RORA: variants seen among roughly 807,000 people sequenced by gnomAD.
RORA encodes nuclear receptor ROR-alpha.
In RORA, 7 loss-of-function variants were observed where a neutral mutation model predicts 69.5. The ratio of observed to expected loss-of-function variants is 0.10; its 90% CI spans 0.06 to 0.19. The LOEUF (loss-of-function observed/expected upper bound fraction) is 0.19, where lower values mean the gene tolerates loss of function less well. RORA is among the 10% of genes least tolerant of loss of function. RORA has a pLI of 1.00. For missense variants in RORA, 457 were observed against 663.0 expected (o/e 0.69, Z 3.41); for synonymous variants, 261 against 240.8 (o/e 1.08, Z -0.78).
intron 1 of RORA, among the ~76,000 whole-genome samples, chr15:60,901,666 G>GT (rs11392755): frequency 0.49 from 74,231 of 152,008 alleles, 18,353 homozygotes; most frequent in Non-Finnish European, 0.51. Context: ...TTAAATAATC[G>GT]TAAGTGCTTA....
intron 1 of RORA, among the ~76,000 whole-genome samples, chr15:60,691,099 C>T (rs1162822193): frequency 1.3e-5 from 2 of 152,106 alleles, no homozygotes; most frequent in East Asian, 3.9e-4. Flanking sequence ...TAAGCTTGCT[C>T]CAGACTCACA....
At chr15:61,125,306 G>A (rs1024667656) in intron 1 of RORA, among the ~76,000 whole-genome samples, 7 of 152,184 alleles carry the variant, frequency 4.6e-5, no homozygotes, top group Non-Finnish European at 1.0e-4. Flanking sequence ...TGGTGTTTGG[G>A]TATTATCCTT....
At chr15:61,199,132 C>T (rs1176434026) in intron 1 of RORA, among the ~76,000 whole-genome samples, 1 of 152,200 alleles carries the variant, frequency 6.6e-6, no homozygotes, top group East Asian at 1.9e-4. Flanking sequence ...CCCCAAGTAG[C>T]TTTTGCATTT....
intron 2 of RORA, among the ~76,000 whole-genome samples, chr15:60,574,607 G>A (rs1290579203): frequency 6.6e-6 from 1 of 152,158 alleles, no homozygotes; most frequent in Non-Finnish European, 1.5e-5. Context: ...TGAGAGGATG[G>A]GGATGTTAAT....
At chr15:60,831,324 G>A (rs759616566) in intron 1 of RORA, among the ~76,000 whole-genome samples, 9 of 152,092 alleles carry the variant, frequency 5.9e-5, no homozygotes, top group East Asian at 1.9e-4. Flanking sequence ...GGTATGCCTC[G>A]CAGGGGTCAC....
intron 6 of RORA, among the ~76,000 whole-genome samples, chr15:60,504,882 G>C (rs530415455): frequency 6.6e-6 from 1 of 152,240 alleles, no homozygotes; most frequent in South Asian, 2.1e-4. Context: ...ACTGAATTAG[G>C]AGCCAGGAGT....
At chr15:61,207,704 A>AAG (rs2079955004) in intron 1 of RORA, among the ~76,000 whole-genome samples, 1 of 152,202 alleles carries the variant, frequency 6.6e-6, no homozygotes, top group South Asian at 2.1e-4. Context: ...GTTCATGATA[A>AAG]TTCTGATGAC....
chr15:60,823,031 T>C (rs1289791266), intron 1 of RORA, among the ~76,000 whole-genome samples: 2 of 148,798 alleles, frequency 1.3e-5, no homozygotes, highest in African/African-American at 5.0e-5. Flanking sequence ...TTTCCTTCCT[T>C]CCTTCCCTCT....
At chr15:61,090,890 GCA>G (rs1221382059) in intron 1 of RORA, among the ~76,000 whole-genome samples, 3 of 151,364 alleles carry the variant, frequency 2.0e-5, no homozygotes, top group Non-Finnish European at 4.4e-5. Flanking sequence ...CTCGACACAC[GCA>G]GTCATTTATG....
At chr15:61,025,603 A>G (rs557426165) in intron 1 of RORA, among the ~76,000 whole-genome samples, 104 of 152,350 alleles carry the variant, frequency 6.8e-4, no homozygotes, top group East Asian at 5.0e-3. Flanking sequence ...GACTGAGGAC[A>G]TAAGTTCGTA....
intron 1 of RORA, among the ~76,000 whole-genome samples, chr15:60,856,225 C>G (rs552687254): frequency 1.3e-5 from 2 of 152,324 alleles, no homozygotes; most frequent in South Asian, 4.1e-4. Context: ...AAACTATCTT[C>G]TTGGCATATT....
intron 1 of RORA, among the ~76,000 whole-genome samples, chr15:61,095,262 C>T (rs534321238): frequency 1.3e-5 from 2 of 151,720 alleles, no homozygotes; most frequent in South Asian, 2.1e-4. Context: ...GGGTATATGC[C>T]GAGATGATCA....
intron 1 of RORA, among the ~76,000 whole-genome samples, chr15:60,923,846 T>C (rs962058186): frequency 7.2e-5 from 11 of 152,160 alleles, no homozygotes; most frequent in Non-Finnish European, 1.3e-4. Context: ...GGGCTTGCCA[T>C]GTGCTAGCTG....
intron 1 of RORA, among the ~76,000 whole-genome samples, chr15:60,858,218 A>G (rs1322300783): frequency 6.6e-6 from 1 of 152,162 alleles, no homozygotes; most frequent in Non-Finnish European, 1.5e-5. Flanking sequence ...CAGTTCTTGT[A>G]CTTATGAAAT....
intron 2 of RORA, among the ~76,000 whole-genome samples, chr15:60,587,978 A>G (rs2068383561): frequency 6.6e-6 from 1 of 152,212 alleles, no homozygotes. Flanking sequence ...ATACTGACGG[A>G]TAGAAAAAGC....
intron 1 of RORA, among the ~76,000 whole-genome samples, chr15:61,216,395 GATTAC>G (rs1161098119): frequency 6.6e-6 from 1 of 152,176 alleles, no homozygotes; most frequent in Non-Finnish European, 1.5e-5. Context: ...TAAATTATTA[GATTAC>G]ATTACAAGTG....
At chr15:60,561,333 G>A (rs1305149196) in intron 2 of RORA, among the ~76,000 whole-genome samples, 3 of 151,886 alleles carry the variant, frequency 2.0e-5, no homozygotes, top group East Asian at 1.9e-4. Flanking sequence ...CGCCCGCCTC[G>A]GCCTCCCAAA....
chr15:61,035,040 A>AATAGAT (rs1896384269), intron 1 of RORA, among the ~76,000 whole-genome samples: 1 of 152,234 alleles, frequency 6.6e-6, no homozygotes, highest in Admixed American at 6.5e-5. Context: ...CACAAACAGA[A>AATAGAT]ATAGATATAA....
chr15:60,886,921 G>A (rs2073756941), intron 1 of RORA, among the ~76,000 whole-genome samples: 1 of 152,154 alleles, frequency 6.6e-6, no homozygotes, highest in Non-Finnish European at 1.5e-5. Flanking sequence ...AAGGACCAGA[G>A]GACACTCACA....
Sources: allele counts gnomAD v4.1 joint callset (sites outside exome capture counted in the v4.1 genomes callset), GRCh38; gene constraint gnomAD v4.1.1; transcripts MANE v1.5; gene names NCBI Gene and HGNC (gene_info 2026-07-23, HGNC 2026-07-21).